Variants in CNTN3 observed in about 807,000 individuals in gnomAD.
The protein encoded by CNTN3 is contactin-3.
CNTN3 carries 60 observed loss-of-function variants against 119.1 expected under a neutral mutation model. That is an observed-to-expected ratio of 0.50 (90% CI 0.41 to 0.62). CNTN3 has a LOEUF of 0.62. Among genes scored for constraint, CNTN3 ranks in the 20% least tolerant of loss-of-function variants. The probability of loss-of-function intolerance (pLI) is 0.00; values close to 1 mark genes in which losing one functional copy is unlikely to be tolerated. For missense variants in CNTN3, 1,101 were observed against 1,242.4 expected, an observed-to-expected ratio of 0.89 and a Z score of 1.71; for synonymous variants, 450 against 438.7, an observed-to-expected ratio of 1.03 and a Z score of -0.32.
At chr3:74,427,316 C>A (rs761843739) in intron 4 of CNTN3, among the ~76,000 whole-genome samples, 7 of 152,164 alleles carry the variant, frequency 4.6e-5, no homozygotes, top group Non-Finnish European at 1.0e-4. Context: ...CTTTAACAAG[C>A]AGAACCTGGC....
chr3:74,346,344 CTT>C (rs1559556978), intron 11 of CNTN3, among the ~76,000 whole-genome samples: 1 of 151,928 alleles, frequency 6.6e-6, no homozygotes, highest in African/African-American at 2.4e-5. Context: ...AATAATCTCT[CTT>C]CTTTTCCAAA....
intron 11 of CNTN3, among the ~76,000 whole-genome samples, chr3:74,358,301 A>G (rs1382133949): frequency 1.3e-5 from 2 of 152,214 alleles, no homozygotes; most frequent in Non-Finnish European, 2.9e-5. Context: ...TATATCATAC[A>G]AAGCAGAGTG....
chr3:74,464,398 T>G (rs987991920), intron 4 of CNTN3, among the ~76,000 whole-genome samples: 1 of 152,154 alleles, frequency 6.6e-6, no homozygotes. Context: ...TCTTTTTTGT[T>G]GAAATACTTG....
Position 74,263,446 on chromosome 3 carries a change from A to AT in CNTN3, c.*954dup, listed in dbSNP as rs893326173. On this transcript the variant is annotated 3_prime_UTR_variant, in exon 23 of 23. Transcript: ENST00000263665. ...TGGGTTGAGATTCAGGTCATTCCTG[A>AT]TTTTTTCCTCTAGGTTTTAATAAAA... 2.0e-5 allele frequency: 3 copies of AT among 151,874 alleles called. No individual in the cohort carries two copies. Among genetic ancestry groups the AT allele is most frequent in the Non-Finnish European group, 4.4e-5 (3 of 67,944 alleles). The allele number at this position is 151,874 out of a possible 1,614,324, so 9.4% of individuals were successfully genotyped here.
intron 1 of CNTN3, among the ~76,000 whole-genome samples, chr3:74,537,216 C>A (rs1703778194): frequency 1.3e-5 from 2 of 152,092 alleles, no homozygotes; most frequent in African/African-American, 4.8e-5. Context: ...CCACGTGCAT[C>A]CTCACAAGTA....
At chr3:74,602,717 AT>A (rs1248611013) in intron 1 of CNTN3, among the ~76,000 whole-genome samples, 1 of 152,138 alleles carries the variant, frequency 6.6e-6, no homozygotes, top group African/African-American at 2.4e-5. Context: ...GAATACACAT[AT>A]AAACTATACT....
intron 5 of CNTN3, among the ~76,000 whole-genome samples, chr3:74,418,342 C>CATTTTTTTT (rs1701559769): frequency 1.0e-5 from 1 of 99,632 alleles, no homozygotes; most frequent in African/African-American, 3.9e-5. Context: ...AAACATATTC[C>CATTTTTTTT]TTTTTTTTTT....
In CNTN3 at chr3:74,276,597, C is replaced by G. The variant is rs1701884817; in HGVS notation, c.2704+8708G>C. 3.3e-5 allele frequency among the ~76,000 whole-genome samples: 5 copies of G among 150,530 alleles called. 1 individual carries two copies. The highest frequency in any genetic ancestry group is 1.2e-4 in the African/African-American group (5 of 40,008). On this transcript the variant is annotated intron_variant, in intron 20 of 22. Coordinates refer to ENST00000263665, the MANE Select transcript of CNTN3 (RefSeq NM_020872.3). ...AATTATTCGAATTGAACAATACTGACACAACCTATCAAAACCTCTGGGATA... is the reference window on the plus strand; with the variant it reads ...AATTATTCGAATTGAACAATACTGAGACAACCTATCAAAACCTCTGGGATA...
chr3:74,295,379 G>A (rs528229984), intron 18 of CNTN3, 143 bp from the exon 19 acceptor site: 1 of 534,546 alleles, frequency 1.9e-6, no homozygotes, highest in Admixed American at 3.2e-5. Context: ...TGAAAATAGA[G>A]ACACTGGTCC....
At chr3:74,613,343 T>A (rs749077527) in intron 1 of CNTN3, among the ~76,000 whole-genome samples, 15 of 151,838 alleles carry the variant, frequency 9.9e-5, no homozygotes, top group Non-Finnish European at 2.1e-4. Context: ...ACTCACCATA[T>A]GAGCTGGGGT....
chr3:74,332,570 C>A (rs931670294), intron 13 of CNTN3, among the ~76,000 whole-genome samples: 2 of 152,164 alleles, frequency 1.3e-5, no homozygotes, highest in Non-Finnish European at 2.9e-5. Flanking sequence ...TAACTCCAAG[C>A]TTTTCTGAAA....
intron 3 of CNTN3, among the ~76,000 whole-genome samples, chr3:74,488,630 T>G (rs35474866): frequency 0.47 from 71,731 of 152,114 alleles, 19,720 homozygotes; most frequent in Non-Finnish European, 0.62. Flanking sequence ...AGTTTAATCC[T>G]TACTGCTCAA....
chr3:74,283,242 C>A (rs1363387803), intron 20 of CNTN3, among the ~76,000 whole-genome samples: 1 of 152,078 alleles, frequency 6.6e-6, no homozygotes, highest in African/African-American at 2.4e-5. Flanking sequence ...CATTATATAA[C>A]CTCCATATGC....
At chr3:74,509,724 T>G (rs1011776764) in intron 2 of CNTN3, among the ~76,000 whole-genome samples, 1 of 152,112 alleles carries the variant, frequency 6.6e-6, no homozygotes, top group East Asian at 1.9e-4. Context: ...GGAAGAAGCA[T>G]TTGGCAGTAT....
At chr3:74,510,718 G>A (rs910417631) in intron 2 of CNTN3, among the ~76,000 whole-genome samples, 7 of 151,948 alleles carry the variant, frequency 4.6e-5, no homozygotes, top group African/African-American at 1.5e-4. Flanking sequence ...CTATTCCTAC[G>A]GAATGTATCT....
At chr3:74,438,888 A>G (rs1701914965) in intron 4 of CNTN3, among the ~76,000 whole-genome samples, 1 of 152,196 alleles carries the variant, frequency 6.6e-6, no homozygotes, top group Non-Finnish European at 1.5e-5. Flanking sequence ...CACATGCAAT[A>G]ATTCTCCTAA....
chr3:74,591,462 G>C (rs1320706311), intron 1 of CNTN3, among the ~76,000 whole-genome samples: 1 of 151,934 alleles, frequency 6.6e-6, no homozygotes, highest in African/African-American at 2.4e-5. Context: ...GTGGGAAAGT[G>C]GTGTGAAGAC....
rs144678513 is a variant in CNTN3, at chr3:74,412,527, C to T, written c.454+12318G>A. Reference sequence around the variant, plus strand: ...AGTGGATTTTTAAAGACTTTATAAACCATCCCCTTGACTGTCTCTCATATT... The same window carrying T: ...AGTGGATTTTTAAAGACTTTATAAATCATCCCCTTGACTGTCTCTCATATT... On this transcript the variant is annotated intron_variant, in intron 5 of 22. Coordinates refer to ENST00000263665, the MANE Select transcript of CNTN3 (RefSeq NM_020872.3). Among the ~76,000 whole-genome samples the T allele has an allele frequency of 9.8e-3, 1,487 of 152,214 alleles. 25 individuals are homozygous for T. Among genetic ancestry groups the T allele is most frequent in the African/African-American group, 0.034 (1,395 of 41,540 alleles).
intron 11 of CNTN3, among the ~76,000 whole-genome samples, chr3:74,344,123 G>A (rs972780601): frequency 1.3e-5 from 2 of 152,058 alleles, no homozygotes; most frequent in Admixed American, 6.6e-5. Flanking sequence ...AACCCTTAAA[G>A]GATACAGATT....
Sources: gnomAD v4.1 joint callset for allele counts (sites outside exome capture counted in the v4.1 genomes callset) on GRCh38, gnomAD v4.1.1 for gene constraint, MANE v1.5 for transcripts, NCBI Gene and HGNC (gene_info 2026-07-23, HGNC 2026-07-21) for gene names.